Variants in ZNF280D observed in about 807,000 individuals in gnomAD.
ZNF280D encodes zinc finger protein 280D.
A neutral mutation model predicts 94.7 loss-of-function variants in ZNF280D; 39 were observed. That is an observed-to-expected ratio of 0.41 (90% CI 0.32 to 0.54). The LOEUF (loss-of-function observed/expected upper bound fraction) is 0.54, where lower values mean the gene tolerates loss of function less well. ZNF280D is among the 20% of genes least tolerant of loss of function. The pLI is 0.22. For synonymous variants in ZNF280D, 398 were observed against 377.6 expected, an observed-to-expected ratio of 1.05 and a Z score of -0.63; for missense variants, 1,090 against 1,149.3, an observed-to-expected ratio of 0.95 and a Z score of 0.75.
intron 1 of ZNF280D, among the ~76,000 whole-genome samples, chr15:56,722,798 A>G (rs1472694865): frequency 2.0e-5 from 3 of 152,036 alleles, no homozygotes; most frequent in Admixed American, 1.3e-4. Context: ...TTGCGGCATT[A>G]TTCACAATAG....
chr15:56,652,875 A>G, intron 19 of ZNF280D: 1 of 984,276 alleles, frequency 1.0e-6, no homozygotes, highest in Non-Finnish European at 1.2e-6. Flanking sequence ...GCAGCTACAC[A>G]AAATCTGTAG....
At chr15:56,685,112 T>C (rs1217908977) in intron 9 of ZNF280D, among the ~76,000 whole-genome samples, 1 of 152,114 alleles carries the variant, frequency 6.6e-6, no homozygotes, top group Non-Finnish European at 1.5e-5. Context: ...TGGGATTCAA[T>C]TTACTTTATA....
intron 16 of ZNF280D, among the ~76,000 whole-genome samples, chr15:56,664,205 A>G (rs756510597): frequency 6.6e-5 from 10 of 152,154 alleles, no homozygotes; most frequent in Non-Finnish European, 1.5e-4. Flanking sequence ...TAAAAGAGGA[A>G]TGTTAGTTGG....
intron 1 of ZNF280D, among the ~76,000 whole-genome samples, chr15:56,711,953 G>A (rs2057782066): frequency 2.0e-5 from 3 of 152,066 alleles, no homozygotes; most frequent in Admixed American, 2.0e-4. Flanking sequence ...GAATACCGCA[G>A]GCAATTATAA....
At chr15:56,712,762 G>A (rs1335214171) in intron 1 of ZNF280D, among the ~76,000 whole-genome samples, 1 of 144,820 alleles carries the variant, frequency 6.9e-6, no homozygotes, top group Non-Finnish European at 1.5e-5. Flanking sequence ...TTTTTCTGAG[G>A]TGGAGTCTTG....
chr15:56,637,572 T>G (rs922485923), intron 20 of ZNF280D, among the ~76,000 whole-genome samples: 1 of 152,150 alleles, frequency 6.6e-6, no homozygotes, highest in Non-Finnish European at 1.5e-5. Context: ...GCAATTTTCA[T>G]GCAGATTGTG....
At chr15:56,653,522 T>C (rs1458716853) in intron 19 of ZNF280D, 18 of 1,521,092 alleles carry the variant, frequency 1.2e-5, no homozygotes, top group Non-Finnish European at 1.6e-5. Flanking sequence ...AGAACAGGCA[T>C]CAGTTGTGTC....
chr15:56,705,373 A>G (rs2057343242), intron 3 of ZNF280D, among the ~76,000 whole-genome samples: 1 of 152,174 alleles, frequency 6.6e-6, no homozygotes, highest in Admixed American at 6.5e-5. Flanking sequence ...TCTACCTAGA[A>G]TATCTTTCCT....
Position 56,701,215 on chromosome 15 carries a change from T to A in ZNF280D, c.199A>T (p.Ser67Cys), listed in dbSNP as rs189875534. ...ISNILNRVNP[S>C]SYSRGLKNGA... ...TTCTTTAGTCCCCTTGAATATGAGC[T>A]GGGGTTAACTCTGTTCAAAATATCT... Residue 67 changes from serine to cysteine, a missense_variant, in exon 5 of 22, where the codon AGC becomes TGC. Ser to Cys is a moderately radical substitution (Grantham distance 112, BLOSUM62 -1). This residue lies in a region of ZNF280D where 386 missense variants were observed against 372.0 expected (regional missense o/e 1.04). Transcript: ENST00000267807. 6.3e-7 allele frequency: 1 copy of A among 1,579,618 alleles called. No homozygotes were observed. The highest frequency in any genetic ancestry group is 1.7e-5 in the Admixed American group (1 of 58,168).
intron 1 of ZNF280D, among the ~76,000 whole-genome samples, chr15:56,716,146 A>C (rs1220468144): frequency 6.6e-6 from 1 of 152,094 alleles, no homozygotes; most frequent in Non-Finnish European, 1.5e-5. Flanking sequence ...GTACTGATTG[A>C]ACATTTACTG....
At chr15:56,651,087 T>C (rs1335482392) in intron 19 of ZNF280D, among the ~76,000 whole-genome samples, 1 of 152,224 alleles carries the variant, frequency 6.6e-6, no homozygotes, top group Non-Finnish European at 1.5e-5. Flanking sequence ...GATTAGTCTA[T>C]ATTTCTAGAA....
chr15:56,728,274 C>T (rs573310868), intron 1 of ZNF280D, among the ~76,000 whole-genome samples: 92 of 152,278 alleles, frequency 6.0e-4, no homozygotes, highest in Middle Eastern at 3.4e-3. Flanking sequence ...CCTGCCTTGG[C>T]CTCCCAAAGT....
At chr15:56,714,638 T>C (rs2141330197) in intron 1 of ZNF280D, among the ~76,000 whole-genome samples, 1 of 152,176 alleles carries the variant, frequency 6.6e-6, no homozygotes, top group Non-Finnish European at 1.5e-5. Context: ...GATAGAGCAA[T>C]GAGGCCAGCT....
At chr15:56,701,337 G>A in intron 4 of ZNF280D, 99 bp from the exon 5 acceptor site, 1 of 858,762 alleles carries the variant, frequency 1.2e-6, no homozygotes, top group Non-Finnish European at 1.8e-6. Flanking sequence ...CAGATTTATG[G>A]AAGGAGTATA....
In ZNF280D at chr15:56,707,285, C is replaced by A. The variant is rs773297236; in HGVS notation, c.-64G>T. On this transcript the variant is annotated 5_prime_UTR_variant, in exon 2 of 22. Transcript: ENST00000267807. ...CACCATGTGACTCCAGACAAGCCAG[C>A]AAGTTATTTCTGTTTTCCTTCCTAT... 7.2e-6 allele frequency: 11 copies of A among 1,534,260 alleles called. No homozygotes were observed. The highest frequency in any genetic ancestry group is 7.9e-6 in the Non-Finnish European group (9 of 1,144,054).
chr15:56,722,596 G>A (rs541545774), intron 1 of ZNF280D, among the ~76,000 whole-genome samples: 24 of 152,306 alleles, frequency 1.6e-4, no homozygotes, highest in African/African-American at 5.8e-4. Context: ...TGGAGAGGAT[G>A]TGGAGAAATA....
rs2052042582 is a variant in ZNF280D, at chr15:56,630,753, A to G, written c.*745T>C. ...ACAACTAATACATCAAAGAATTTCTACACAGCTTACACACTGACAAAAAGC... is the reference window on the plus strand; with the variant it reads ...ACAACTAATACATCAAAGAATTTCTGCACAGCTTACACACTGACAAAAAGC... On this transcript the variant is annotated 3_prime_UTR_variant, in exon 22 of 22. Transcript: ENST00000267807. The G allele has an allele frequency of 1.3e-5, 2 of 152,326 alleles. No homozygotes were observed. The highest frequency in any genetic ancestry group is 6.5e-5 in the Admixed American group (1 of 15,294). The allele number at this position is 152,326 out of a possible 1,614,324, so 9.4% of individuals were successfully genotyped here. A position where few individuals can be genotyped will look rare whatever the true frequency, so the allele number is the denominator to read the frequency against.
At chr15:56,720,528 T>G (rs770970923) in intron 1 of ZNF280D, among the ~76,000 whole-genome samples, 1 of 152,224 alleles carries the variant, frequency 6.6e-6, no homozygotes, top group Non-Finnish European at 1.5e-5. Context: ...CAAATGATCT[T>G]AATTGGATCT....
At chr15:56,669,770 C>T (rs2054549025) in intron 13 of ZNF280D, among the ~76,000 whole-genome samples, 1 of 130,274 alleles carries the variant, frequency 7.7e-6, no homozygotes, top group African/African-American at 2.9e-5. Context: ...GGCACTTCCC[C>T]ATAGCTAGTT....
Sources: gnomAD v4.1 joint callset for allele counts (sites outside exome capture counted in the v4.1 genomes callset) on GRCh38, gnomAD v4.1.1 for gene constraint, gnomAD v4.1.1 regional missense constraint, MANE v1.5 for transcripts, NCBI Gene and HGNC (gene_info 2026-07-23, HGNC 2026-07-21) for gene names.